Variants in MAGI1 observed in about 807,000 individuals in gnomAD.
MAGI1 encodes membrane-associated guanylate kinase, WW and PDZ domain-containing protein 1.
Under a neutral mutation model 139.9 loss-of-function variants are expected in MAGI1, and 58 were observed. The observed-to-expected ratio is 0.41, with a 90% CI of 0.34 to 0.52. The LOEUF (loss-of-function observed/expected upper bound fraction) is 0.52. Among genes scored for constraint, MAGI1 ranks in the 20% least tolerant of loss-of-function variants. The pLI, the probability that MAGI1 is intolerant of heterozygous loss-of-function variation, is 0.12. For synonymous variants in MAGI1, 812 were observed against 737.9 expected, an observed-to-expected ratio of 1.10 and a Z score of -1.63; for missense variants, 1,874 against 1,901.6, an observed-to-expected ratio of 0.99 and a Z score of 0.27.
rs536576679 is a variant in MAGI1, at chr3:65,355,612, T to G, written c.*766A>C. On this transcript the variant is annotated 3_prime_UTR_variant, in exon 23 of 23. Transcript: ENST00000402939. ...TGTGATGGCATTGCCTTCAATGAGA[T>G]TTTATCAGATGTTGGTGATGATCAC... is the stretch of plus-strand genomic sequence containing the variant. The G allele has an allele frequency of 3.3e-5, 5 of 152,798 alleles. No individual in the cohort carries two copies. Among genetic ancestry groups the G allele is most frequent in the African/African-American group, 9.6e-5 (4 of 41,572 alleles). The allele number at this position is 152,798 out of a possible 1,614,324, so 9.5% of individuals were successfully genotyped here. A position where few individuals can be genotyped will look rare whatever the true frequency, so the allele number is the denominator to read the frequency against.
chr3:65,990,548 G>A (rs757624472), intron 1 of MAGI1, among the ~76,000 whole-genome samples: 2 of 152,154 alleles, frequency 1.3e-5, no homozygotes, highest in African/African-American at 2.4e-5. Context: ...TTCCTGCTAT[G>A]GCATGATGTT....
chr3:65,480,742 C>T (rs910655363), intron 3 of MAGI1, among the ~76,000 whole-genome samples: 52 of 151,762 alleles, frequency 3.4e-4, no homozygotes, highest in African/African-American at 8.9e-4. Flanking sequence ...TGCACCACCA[C>T]GCCTGGCTAA....
At position 65,461,265 on chromosome 3, in the gene MAGI1, G is replaced by C. The variant is rs186724818; in HGVS notation, c.960-7925C>G. On this transcript the variant is annotated intron_variant, in intron 5 of 22. Transcript: ENST00000402939. ...GAGTCTTGCTCTGTCGCCCAGGCTG[G>C]TGTGCAGTGACACGATCTCGGCTCA... Among the ~76,000 whole-genome samples the C allele has an allele frequency of 4.7e-3, 718 of 151,970 alleles. 5 individuals carry two copies. The highest frequency in any genetic ancestry group is 0.016 in the African/African-American group (663 of 41,454).
At chr3:66,019,076 A>G (rs1257171988) in intron 1 of MAGI1, among the ~76,000 whole-genome samples, 1 of 152,174 alleles carries the variant, frequency 6.6e-6, no homozygotes, top group Non-Finnish European at 1.5e-5. Context: ...CCATAAGGAG[A>G]GTAGAATACA....
intron 1 of MAGI1, among the ~76,000 whole-genome samples, chr3:65,735,443 C>A (rs1419775595): frequency 1.3e-5 from 2 of 151,006 alleles, no homozygotes; most frequent in Non-Finnish European, 2.9e-5. Flanking sequence ...GATGGTGAGA[C>A]CTACATAAGA....
intron 1 of MAGI1, among the ~76,000 whole-genome samples, chr3:65,750,471 T>G (rs6775370): frequency 0.82 from 124,923 of 152,156 alleles, 51,634 homozygotes; most frequent in East Asian, 0.95. Flanking sequence ...GTTTACAAAA[T>G]ACCTAACAAT....
chr3:65,441,534 T>C (rs940832723), intron 8 of MAGI1, among the ~76,000 whole-genome samples: 5 of 152,162 alleles, frequency 3.3e-5, no homozygotes, highest in African/African-American at 1.2e-4. Flanking sequence ...AGATAATAAC[T>C]TGCCCCTCAA....
Position 65,744,401 on chromosome 3 carries a change from T to C in MAGI1, c.314-122313A>G, listed in dbSNP as rs914418428. ...GAGGGCCCAAAGTATAACTGGCACA[T>C]AGCAAATGCTCAGTAAATGTTTGCT... On this transcript the variant is annotated intron_variant, in intron 1 of 22. Transcript: ENST00000402939. Among the ~76,000 whole-genome samples the C allele has an allele frequency of 1.2e-4, 19 of 152,200 alleles. 1 individual carries two copies. The highest frequency in any genetic ancestry group is 4.6e-4 in the African/African-American group (19 of 41,448).
At chr3:65,426,740 G>C (rs567006538) in intron 12 of MAGI1, among the ~76,000 whole-genome samples, 1 of 152,164 alleles carries the variant, frequency 6.6e-6, no homozygotes, top group African/African-American at 2.4e-5. Context: ...ATATTTATAT[G>C]CCTTCCAGAA....
intron 12 of MAGI1, among the ~76,000 whole-genome samples, chr3:65,407,901 C>A (rs1056037764): frequency 8.5e-5 from 13 of 152,188 alleles, no homozygotes; most frequent in Non-Finnish European, 1.6e-4. Flanking sequence ...TAAAAAACAA[C>A]TGGAGTTTGT....
intron 1 of MAGI1, among the ~76,000 whole-genome samples, chr3:65,764,873 G>A (rs1241161025): frequency 6.6e-6 from 1 of 152,144 alleles, no homozygotes; most frequent in Non-Finnish European, 1.5e-5. Flanking sequence ...TTTAAAAACA[G>A]AACCGCTTGT....
chr3:65,508,399 G>A (rs1248129324), intron 2 of MAGI1, among the ~76,000 whole-genome samples: 2 of 151,316 alleles, frequency 1.3e-5, no homozygotes, highest in East Asian at 3.9e-4. Context: ...GTGAGACTCT[G>A]TCTCAAAAAA....
intron 1 of MAGI1, among the ~76,000 whole-genome samples, chr3:65,711,547 C>T (rs183713886): frequency 5.3e-5 from 8 of 152,232 alleles, no homozygotes; most frequent in Admixed American, 2.6e-4. Context: ...AATTCATCTG[C>T]TAAAATCCTA....
At chr3:65,785,855 G>C (rs1324556485) in intron 1 of MAGI1, among the ~76,000 whole-genome samples, 1 of 152,010 alleles carries the variant, frequency 6.6e-6, no homozygotes, top group Admixed American at 6.6e-5. Context: ...CAAGTTCACA[G>C]AGACATTGTG....
intron 2 of MAGI1, among the ~76,000 whole-genome samples, chr3:65,532,566 T>C (rs908318754): frequency 2.6e-5 from 4 of 152,188 alleles, no homozygotes; most frequent in African/African-American, 9.7e-5. Flanking sequence ...CACATCTCTC[T>C]TTTGCTCTTT....
chr3:66,000,616 G>A (rs902057663), intron 1 of MAGI1, among the ~76,000 whole-genome samples: 1 of 152,226 alleles, frequency 6.6e-6, no homozygotes, highest in Non-Finnish European at 1.5e-5. Context: ...CATGATGAAA[G>A]GTATTCCACA....
chr3:66,031,729 G>A (rs1036972758), intron 1 of MAGI1, among the ~76,000 whole-genome samples: 8 of 151,692 alleles, frequency 5.3e-5, no homozygotes, highest in African/African-American at 1.2e-4. Context: ...ATTTAAGAGC[G>A]AGAGGGCTAA....
intron 1 of MAGI1, among the ~76,000 whole-genome samples, chr3:65,762,140 A>G (rs2037083573): frequency 6.6e-6 from 1 of 152,116 alleles, no homozygotes; most frequent in Non-Finnish European, 1.5e-5. Context: ...CACTAGGTAT[A>G]AGCCACTTCC....
chr3:65,668,552 CCTTT>C (rs1397579782), intron 1 of MAGI1, among the ~76,000 whole-genome samples: 1 of 143,918 alleles, frequency 6.9e-6, no homozygotes, highest in African/African-American at 2.6e-5. Context: ...GCCATTTAGT[CCTTT>C]TTTTTCTTTT....
Sources: allele counts gnomAD v4.1 joint callset (sites outside exome capture counted in the v4.1 genomes callset), GRCh38; gene constraint gnomAD v4.1.1; transcripts MANE v1.5; gene names NCBI Gene and HGNC (gene_info 2026-07-23, HGNC 2026-07-21).